TMF1: variants seen among roughly 807,000 people sequenced by gnomAD.
The protein encoded by TMF1 is TATA element modulatory factor 1.
A neutral mutation model predicts 126.5 loss-of-function variants in TMF1; 71 were observed. The ratio of observed to expected loss-of-function variants is 0.56; its 90% CI spans 0.46 to 0.68. The LOEUF is 0.68. TMF1 is among the 30% of genes least tolerant of loss of function. The pLI, the probability that TMF1 is intolerant of heterozygous loss-of-function variation, is 0.00. For missense variants in TMF1, 1,259 were observed against 1,253.2 expected (o/e 1.00, Z -0.07); for synonymous variants, 461 against 430.5 (o/e 1.07, Z -0.88).
chr3:69,040,703 C>T (rs778222258), intron 5 of TMF1, among the ~76,000 whole-genome samples: 1 of 152,080 alleles, frequency 6.6e-6, no homozygotes, highest in Non-Finnish European at 1.5e-5. Context: ...AGGCGGATCA[C>T]CAGAGGTCAG....
At chr3:69,035,744 T>C (rs1376660809) in intron 8 of TMF1, among the ~76,000 whole-genome samples, 1 of 152,148 alleles carries the variant, frequency 6.6e-6, no homozygotes, top group African/African-American at 2.4e-5. Context: ...CATTAAAAAT[T>C]ACAATAAATG....
Position 69,020,834 on chromosome 3 carries a change from G to T in TMF1, c.*2343C>A, listed in dbSNP as rs1049246868. Reference sequence around the variant, plus strand: ...GAAATTGTTAATACGGATAAAAAAAGAATGTTTAATTTTATAAAATTGAAA... The same window carrying T: ...GAAATTGTTAATACGGATAAAAAAATAATGTTTAATTTTATAAAATTGAAA... On this transcript the variant is annotated 3_prime_UTR_variant, in exon 17 of 17. Coordinates refer to ENST00000398559, the MANE Select transcript of TMF1 (RefSeq NM_007114.3). 6.6e-6 allele frequency: 1 copy of T among 152,056 alleles called. No homozygotes were observed. Among genetic ancestry groups the T allele is most frequent in the African/African-American group, 2.4e-5 (1 of 41,380 alleles). 9.4% of individuals were successfully genotyped at this position (152,056 alleles called of 1,614,324 possible).
intron 11 of TMF1, among the ~76,000 whole-genome samples, chr3:69,029,540 G>A (rs35970969): frequency 0.025 from 3,846 of 151,874 alleles, 61 homozygotes; most frequent in Non-Finnish European, 0.04. Context: ...CGCCTCCCGG[G>A]TGTAAGCGAT....
rs768056382 is a variant in TMF1 at position 69,047,549 on chromosome 3, T to C, written c.1156A>G (p.Ile386Val). The change falls in exon 2 of 17, where the codon ATA becomes GTA. Residue 386 changes from isoleucine (I) to valine (V), a missense_variant. By Grantham distance (29) the Ile-to-Val change is conservative. Coordinates refer to ENST00000398559, the MANE Select transcript of TMF1 (RefSeq NM_007114.3). ...TCCATTTCTGCTTCCTCAGTGGGTA[T>C]AACTAATGTTTCATTTACTTCTTCA... ...KSEEVNETLV[I>V]PTEEAEMEES... 7 of 1,614,172 alleles carry C rather than the reference T, an allele frequency of 4.3e-6. No homozygotes were observed. The highest frequency in any genetic ancestry group is 2.2e-5 in the East Asian group (1 of 44,888).
chr3:69,028,362 C>A, intron 11 of TMF1, 67 bp from the exon 12 acceptor site: 1 of 1,054,520 alleles, frequency 9.5e-7, no homozygotes, highest in Non-Finnish European at 1.4e-6. Context: ...CTATTAAAAA[C>A]TCAGTACTTT....
At chr3:69,041,116 C>A (rs143550872) in intron 5 of TMF1, among the ~76,000 whole-genome samples, 1 of 151,950 alleles carries the variant, frequency 6.6e-6, no homozygotes, top group Non-Finnish European at 1.5e-5. Context: ...TAATAACATT[C>A]GATATTAATA....
chr3:69,025,653 A>C lies in TMF1; in HGVS notation c.2919T>G (p.Leu973=). 1 of 1,614,080 alleles carries C rather than the reference A, an allele frequency of 6.2e-7. No individual in the cohort carries two copies. Among genetic ancestry groups the C allele is most frequent in the Non-Finnish European group, 8.5e-7 (1 of 1,179,944 alleles). The change falls in exon 15 of 17, where the codon CTT becomes CTG. Residue 973 remains leucine, a synonymous_variant. Transcript: ENST00000398559. Reference sequence around the variant, plus strand: ...CTGCTCCCATCCTTACAGCATCATAAAGATTGCTTCCATTTGCTGATATAG... The same window carrying C: ...CTGCTCCCATCCTTACAGCATCATACAGATTGCTTCCATTTGCTGATATAG... The part of the protein sequence containing the change: ...PMPISANGSN[L]YDAVRMGAGS...
chr3:69,029,717 A>G, intron 11 of TMF1, 98 bp downstream of exon 11: 1 of 1,170,538 alleles, frequency 8.5e-7, no homozygotes, highest in Non-Finnish European at 1.2e-6. Context: ...CTGGGATTAC[A>G]GGCGTGAGCC....
intron 2 of TMF1, among the ~76,000 whole-genome samples, chr3:69,046,653 A>G (rs2091897645): frequency 6.6e-6 from 1 of 152,230 alleles, no homozygotes; most frequent in Admixed American, 6.5e-5. Flanking sequence ...AACCAAAACT[A>G]GGACTTAATG....
At chr3:69,041,403 A>G (rs1032450485) in intron 5 of TMF1, among the ~76,000 whole-genome samples, 2 of 152,184 alleles carry the variant, frequency 1.3e-5, no homozygotes, top group African/African-American at 4.8e-5. Context: ...TTCAATAAAT[A>G]TTAGTTGAAT....
At chr3:69,044,422 C>A in intron 3 of TMF1, 70 bp downstream of exon 3, 1 of 805,296 alleles carries the variant, frequency 1.2e-6, no homozygotes, top group Non-Finnish European at 1.9e-6. Flanking sequence ...CAAAAACATT[C>A]TTAAATATGT....
chr3:69,037,613 G>A (rs1275981288), intron 8 of TMF1, among the ~76,000 whole-genome samples: 3 of 152,264 alleles, frequency 2.0e-5, no homozygotes, highest in South Asian at 2.1e-4. Flanking sequence ...TTGCACTCCA[G>A]CCTGGGCAAC....
chr3:69,029,961 T>G lies in TMF1; in HGVS notation c.2448A>C (p.Ala816=). The G allele has an allele frequency of 6.2e-7, 1 of 1,614,178 alleles. No homozygotes were observed. The highest frequency in any genetic ancestry group is 8.5e-7 in the Non-Finnish European group (1 of 1,180,016). ...LLAAAVERER[A]ATEELLANKI... ...TGTTAGCAAGGAGTTCTTCTGTAGC[T>G]GCACGTTCTCTCTCAACTGCTGCTG... The change falls in exon 11 of 17, where the codon GCA becomes GCC. Residue 816 remains alanine (A), a synonymous_variant. Coordinates refer to ENST00000398559, the MANE Select transcript of TMF1 (RefSeq NM_007114.3).
intron 11 of TMF1, among the ~76,000 whole-genome samples, chr3:69,029,460 T>C (rs1006718134): frequency 2.0e-5 from 3 of 152,058 alleles, no homozygotes; most frequent in African/African-American, 7.2e-5. Context: ...TTTTTTTTTT[T>C]TTGAGACCGA....
rs2091852081 is a variant in TMF1 at position 69,039,582 on chromosome 3, T to A, written c.1796A>T (p.Glu599Val). ...MVAKLNKKVK[E>V]LEEELQHLKQ... is the part of the protein sequence containing the mutation. ...CAAATGCTGCAACTCCTCTTCTAGC[T>A]CTTTAACTTTTTTGTTCAGCTTTGC... Residue 599 changes from glutamate to valine, a missense_variant, in exon 6 of 17, where the codon GAG (glutamate) becomes GTG (valine). Physicochemically the swap from Glu to Val is moderately radical, Grantham distance 121. Coordinates refer to ENST00000398559, the MANE Select transcript of TMF1 (RefSeq NM_007114.3). 1 of 1,613,422 alleles carries A rather than the reference T, an allele frequency of 6.2e-7. No individual in the cohort carries two copies. The highest frequency in any genetic ancestry group is 8.5e-7 in the Non-Finnish European group (1 of 1,179,852).
chr3:69,034,964 T>C, intron 9 of TMF1, 59 bp downstream of exon 9: 1 of 1,466,864 alleles, frequency 6.8e-7, no homozygotes, highest in Admixed American at 1.7e-5. Flanking sequence ...GAGGAATTCT[T>C]TTATTTCTAG....
chr3:69,029,047 T>A (rs2091784962), intron 11 of TMF1, among the ~76,000 whole-genome samples: 1 of 151,656 alleles, frequency 6.6e-6, no homozygotes, highest in Non-Finnish European at 1.5e-5. Flanking sequence ...TATTTATTTT[T>A]TTTTTTTTGG....
intron 4 of TMF1, among the ~76,000 whole-genome samples, 181 bp from the exon 5 acceptor site, chr3:69,043,093 T>C (rs188556044): frequency 6.6e-6 from 1 of 152,328 alleles, no homozygotes; most frequent in East Asian, 1.9e-4. Context: ...TTGAAAATGA[T>C]ATTCAAAACC....
intron 8 of TMF1, among the ~76,000 whole-genome samples, chr3:69,038,301 T>C (rs2091843875): frequency 6.6e-6 from 1 of 152,164 alleles, no homozygotes; most frequent in Non-Finnish European, 1.5e-5. Flanking sequence ...GCATTTTTGC[T>C]CTTCTCTTCT....
Sources: gnomAD v4.1 joint callset for allele counts (sites outside exome capture counted in the v4.1 genomes callset) on GRCh38, gnomAD v4.1.1 for gene constraint, MANE v1.5 for transcripts, NCBI Gene and HGNC (gene_info 2026-07-23, HGNC 2026-07-21) for gene names.